The following AFAP1L1 variants were observed in gnomAD, a reference collection of about 807,000 sequenced individuals.
AFAP1L1 encodes actin filament associated protein 1 like 1, also known as actin filament-associated protein 1-like 1.
A neutral mutation model predicts 99.8 loss-of-function variants in AFAP1L1; 77 were observed. The ratio of observed to expected loss-of-function variants is 0.77; its 90% confidence interval spans 0.64 to 0.93. The LOEUF (loss-of-function observed/expected upper bound fraction) is 0.93, where lower values mean the gene tolerates loss of function less well. Among genes scored for constraint, AFAP1L1 ranks in the 40% least tolerant of loss-of-function variants. AFAP1L1 has a pLI of 0.00. For missense variants in AFAP1L1, 893 were observed against 996.8 expected (o/e 0.90, Z 1.40); for synonymous variants, 373 against 395.3 (o/e 0.94, Z 0.67).
intron 1 of AFAP1L1, among the ~76,000 whole-genome samples, chr5:149,286,681 G>C (rs1581293936): frequency 6.6e-6 from 1 of 152,194 alleles, no homozygotes; most frequent in Non-Finnish European, 1.5e-5. Flanking sequence ...ACAATTTACT[G>C]ATTTATAAAA....
At position 149,316,251 on chromosome 5, in the gene AFAP1L1, A is replaced by G; in HGVS notation, c.1215A>G (p.Thr405=). 6.2e-7 allele frequency: 1 copy of G among 1,614,078 alleles called. No homozygotes were observed. Among genetic ancestry groups the G allele is most frequent in the Non-Finnish European group, 8.5e-7 (1 of 1,180,018 alleles). ...TRIIGFSKKK[T]LADDLQTSST... is the part of the protein sequence containing the mutation. The stretch of plus-strand genomic sequence containing the variant: ...TCATTGGCTTCTCCAAGAAGAAGAC[A>G]CTGGCCGATGACCTGCAGACGTCCT... The change falls in exon 11 of 19, where the codon ACA becomes ACG. Residue 405 remains threonine (T), a synonymous_variant. Transcript: ENST00000296721.
chr5:149,279,747 T>G (rs1755455290), intron 1 of AFAP1L1, among the ~76,000 whole-genome samples: 1 of 152,218 alleles, frequency 6.6e-6, no homozygotes, highest in Non-Finnish European at 1.5e-5. Context: ...CCTCTTGCCC[T>G]GGGCTCTTCT....
rs1345874793 is a variant in AFAP1L1, at chr5:149,342,369, T to C, written c.*2339T>C. Among the ~76,000 whole-genome samples, 1 of 152,202 alleles carries C rather than the reference T, an allele frequency of 6.6e-6. No individual in the cohort carries two copies. Among genetic ancestry groups the C allele is most frequent in the Admixed American group, 6.5e-5 (1 of 15,286 alleles). On this transcript the variant is annotated 3_prime_UTR_variant, in exon 19 of 19. Transcript: ENST00000296721. ...TCCAAGCTCCCATAGTTCTTATATT[T>C]ACATGCTGGTGGAGCCAGCATGTGA...
chr5:149,316,489 A>G (rs1756802827), intron 11 of AFAP1L1, among the ~76,000 whole-genome samples, 186 bp downstream of exon 11: 1 of 152,140 alleles, frequency 6.6e-6, no homozygotes, highest in South Asian at 2.1e-4. Context: ...TCCTTCCCAG[A>G]GGCCCTGACA....
intron 15 of AFAP1L1, 74 bp downstream of exon 15, chr5:149,322,791 A>G: frequency 8.0e-7 from 1 of 1,248,176 alleles, no homozygotes; most frequent in Non-Finnish European, 1.1e-6. Flanking sequence ...GGATCTCAAA[A>G]TCAGTTTCCC....
In AFAP1L1 at chr5:149,322,640, T is replaced by TG. The variant is rs1382493362; in HGVS notation, c.1734dup (p.Lys579GlufsTer9). The TG allele has an allele frequency of 1.3e-6, 2 of 1,589,630 alleles. No individual in the cohort carries two copies. The highest frequency in any genetic ancestry group is 1.7e-6 in the Non-Finnish European group (2 of 1,167,240). On this transcript the variant is annotated frameshift_variant, in exon 15 of 19. Transcript: ENST00000296721. LOFTEE classifies it high-confidence loss of function. ...CCCGAGCGCCCCACAGGGGCCCAGG[T>TG]GAAGCGTCACGCCTCCTCCTGCAGT...
chr5:149,334,194 C>T (rs1757339238), intron 17 of AFAP1L1, among the ~76,000 whole-genome samples: 2 of 152,144 alleles, frequency 1.3e-5, no homozygotes, highest in Admixed American at 1.3e-4. Flanking sequence ...GGTCACATTT[C>T]CTGGTCACAC....
At chr5:149,304,611 G>A (rs1025485955) in intron 5 of AFAP1L1, among the ~76,000 whole-genome samples, 3 of 152,216 alleles carry the variant, frequency 2.0e-5, no homozygotes, top group South Asian at 4.1e-4. Flanking sequence ...CTTGTGCAGG[G>A]AGAGCACGCC....
At chr5:149,301,333 A>G in intron 4 of AFAP1L1, 103 bp downstream of exon 4, 1 of 1,045,804 alleles carries the variant, frequency 9.6e-7, no homozygotes, top group Non-Finnish European at 1.4e-6. Context: ...GCGGTTCTGG[A>G]CCCTGTTGTC....
Position 149,287,926 on chromosome 5 carries a change from A to G in AFAP1L1, c.17-11583A>G, listed in dbSNP as rs149048112. The stretch of plus-strand genomic sequence containing the variant: ...AAGAAGTAAAAGTGTAAGGCACAGT[A>G]CCCATCATATAGGAAGTGTTCAATA... On this transcript the variant is annotated intron_variant, in intron 1 of 18. Coordinates refer to ENST00000296721, the MANE Select transcript of AFAP1L1 (RefSeq NM_152406.4). Among the ~76,000 whole-genome samples, 1,498 of 152,212 alleles carry G rather than the reference A, an allele frequency of 9.8e-3. 14 individuals are homozygous for G. Among genetic ancestry groups the G allele is most frequent in the South Asian group, 0.046 (221 of 4,820 alleles).
intron 5 of AFAP1L1, among the ~76,000 whole-genome samples, chr5:149,304,887 T>C (rs1756356833): frequency 6.6e-6 from 1 of 152,150 alleles, no homozygotes; most frequent in African/African-American, 2.4e-5. Flanking sequence ...CAGGAGGGGC[T>C]AGGAGCCCAG....
At position 149,317,838 on chromosome 5, in the gene AFAP1L1, C is replaced by T. The variant is rs752588445; in HGVS notation, c.1377C>T (p.Asn459=). 8 of 1,611,270 alleles carry T rather than the reference C, an allele frequency of 5.0e-6. No homozygotes were observed. The highest frequency in any genetic ancestry group is 2.2e-5 in the East Asian group (1 of 44,782). Residue 459 remains asparagine (N), a synonymous_variant, in exon 12 of 19, where the codon AAC becomes AAT. Transcript: ENST00000296721. ...ACATGGACCTGCGAACCCATGTGAA[C>T]GCCATCGCCCTGCAAGGCTGTGAGG... ...KDHMDLRTHV[N]AIALQGCEVA... is the part of the protein sequence containing the mutation.
In AFAP1L1 at chr5:149,315,809, G is replaced by A; in HGVS notation, c.1021-12G>A. 1 of 1,613,730 alleles carries A rather than the reference G, an allele frequency of 6.2e-7. No individual in the cohort carries two copies. The highest frequency in any genetic ancestry group is 8.5e-7 in the Non-Finnish European group (1 of 1,179,698). ...TGCCCTCTGATGAGGGACTGCCTGTGTCCCTCCTCAGAGGCTGTCCCAAGA... is the reference window on the plus strand; with the variant it reads ...TGCCCTCTGATGAGGGACTGCCTGTATCCCTCCTCAGAGGCTGTCCCAAGA... On this transcript the variant is annotated splice_polypyrimidine_tract_variant and intron_variant, in intron 9 of 18. Coordinates refer to ENST00000296721, the MANE Select transcript of AFAP1L1 (RefSeq NM_152406.4).
At chr5:149,322,432 T>C (rs1335094138) in intron 14 of AFAP1L1, among the ~76,000 whole-genome samples, 174 bp from the exon 15 acceptor site, 1 of 152,220 alleles carries the variant, frequency 6.6e-6, no homozygotes, top group African/African-American at 2.4e-5. Context: ...GAGGTTCAAA[T>C]GATATACTGC....
chr5:149,342,727 C>T lies in AFAP1L1; in HGVS notation c.*2697C>T, dbSNP rs1183178960. On this transcript the variant is annotated 3_prime_UTR_variant, in exon 19 of 19. Coordinates refer to ENST00000296721, the MANE Select transcript of AFAP1L1 (RefSeq NM_152406.4). ...AGGAGTTCAAGACCAGCCTGGCCAACATGGCAAAACCCCATCTCTATCAAA... is the reference window on the plus strand; with the variant it reads ...AGGAGTTCAAGACCAGCCTGGCCAATATGGCAAAACCCCATCTCTATCAAA... 2.6e-5 allele frequency among the ~76,000 whole-genome samples: 4 copies of T among 152,176 alleles called. No individual in the cohort carries two copies. Among genetic ancestry groups the T allele is most frequent in the Non-Finnish European group, 4.4e-5 (3 of 68,028 alleles).
chr5:149,300,662 C>T (rs751348959), intron 3 of AFAP1L1, among the ~76,000 whole-genome samples: 3 of 152,238 alleles, frequency 2.0e-5, no homozygotes, highest in Admixed American at 1.3e-4. Context: ...CTGGGCTGAG[C>T]GATGCAGTGG....
At chr5:149,272,087 GGC>G in intron 1 of AFAP1L1, 103 bp downstream of exon 1, 1 of 1,148,894 alleles carries the variant, frequency 8.7e-7, no homozygotes. Flanking sequence ...CGGGCGGTGG[GGC>G]GGGGGCTGAG....
At chr5:149,297,029 C>T (rs563672545) in intron 1 of AFAP1L1, among the ~76,000 whole-genome samples, 8 of 152,236 alleles carry the variant, frequency 5.3e-5, no homozygotes, top group African/African-American at 1.7e-4. Flanking sequence ...TGGGTCTCTC[C>T]CATGATACGT....
At chr5:149,309,528 T>A (rs1203892245) in intron 7 of AFAP1L1, among the ~76,000 whole-genome samples, 1 of 152,118 alleles carries the variant, frequency 6.6e-6, no homozygotes, top group Non-Finnish European at 1.5e-5. Context: ...ACTGGGCTCA[T>A]TAAAAAAATG....
Sources: allele counts gnomAD v4.1 joint callset (sites outside exome capture counted in the v4.1 genomes callset), GRCh38; gene constraint gnomAD v4.1.1; transcripts MANE v1.5; gene names NCBI Gene and HGNC (gene_info 2026-07-23, HGNC 2026-07-21).